The following MYO18A variants were observed in gnomAD, a reference collection of about 807,000 sequenced individuals.
MYO18A encodes myosin XVIIIA, also known as unconventional myosin-XVIIIa.
In MYO18A, 78 loss-of-function variants were observed where a neutral mutation model predicts 235.8. The observed-to-expected ratio is 0.33, with a 90% CI of 0.28 to 0.40. The LOEUF is 0.40. Among genes scored for constraint, MYO18A ranks in the 10% least tolerant of loss-of-function variants. The pLI, the probability that MYO18A is intolerant of heterozygous loss-of-function variation, is 1.00. For synonymous variants in MYO18A, 977 were observed against 1,077.8 expected, an observed-to-expected ratio of 0.91 and a Z score of 1.83; for missense variants, 2,215 against 2,699.3, an observed-to-expected ratio of 0.82 and a Z score of 3.98.
At chr17:29,144,483 C>T (rs538131859) in intron 2 of MYO18A, among the ~76,000 whole-genome samples, 3 of 152,332 alleles carry the variant, frequency 2.0e-5, no homozygotes, top group African/African-American at 7.2e-5. Flanking sequence ...ATGCAAAGAA[C>T]GTGGGCTTGG....
At chr17:29,087,212 TG>T in intron 37 of MYO18A, 91 bp from the exon 38 acceptor site, 1 of 1,362,812 alleles carries the variant, frequency 7.3e-7, no homozygotes, top group Non-Finnish European at 1.0e-6. Flanking sequence ...TGAGGAGGCC[TG>T]GGGTCGAGCT....
intron 2 of MYO18A, chr17:29,124,809 C>T (rs1220511315): frequency 2.5e-6 from 2 of 813,236 alleles, no homozygotes; most frequent in Non-Finnish European, 3.3e-6. Context: ...TTGTCCAAGG[C>T]TCGGGGTGAA....
At chr17:29,138,082 A>G (rs74403084) in intron 2 of MYO18A, among the ~76,000 whole-genome samples, 1,869 of 152,136 alleles carry the variant, frequency 0.012, 42 homozygotes, top group African/African-American at 0.042. Context: ...AGCAGAGCCT[A>G]CCCGCCCTTA....
chr17:29,138,068 T>C (rs2067647007), intron 2 of MYO18A, among the ~76,000 whole-genome samples: 1 of 152,012 alleles, frequency 6.6e-6, no homozygotes, highest in African/African-American at 2.4e-5. Flanking sequence ...CCCTCCACCA[T>C]GCCAGCAGAG....
At position 29,140,209 on chromosome 17, in the gene MYO18A, G is replaced by T; in HGVS notation, c.1000-17956C>A. 1 of 534,554 alleles carries T rather than the reference G, an allele frequency of 1.9e-6. No individual in the cohort carries two copies. Among genetic ancestry groups the T allele is most frequent in the Non-Finnish European group, 2.7e-6 (1 of 366,950 alleles). 33.1% of individuals were successfully genotyped at this position (534,554 alleles called of 1,614,324 possible). A position where few individuals can be genotyped will look rare whatever the true frequency, so the allele number is the denominator to read the frequency against. Reference sequence around the variant, plus strand: ...AAGCTCGGAGAGGAGCCCCAAGGCTGCCCCACCCCTCTCCCCACCTACTTC... The same window carrying T: ...AAGCTCGGAGAGGAGCCCCAAGGCTTCCCCACCCCTCTCCCCACCTACTTC... On this transcript the variant is annotated intron_variant, in intron 2 of 41. Coordinates refer to ENST00000527372, the MANE Select transcript of MYO18A (RefSeq NM_078471.4). The surrounding 1 kb of genome is among the most constrained non-coding windows in gnomAD (Gnocchi z 4.2).
At position 29,180,239 on chromosome 17, in the gene MYO18A, G is replaced by T. The variant is rs991645921; in HGVS notation, c.-82+74C>A. ...CCGCCGCCCGCCCGCCCTCCCTCCCGGCCGGAGCCCGCCCCGCCGCCCCAC... is the reference window on the plus strand; with the variant it reads ...CCGCCGCCCGCCCGCCCTCCCTCCCTGCCGGAGCCCGCCCCGCCGCCCCAC... On this transcript the variant is annotated intron_variant, in intron 1 of 41. Coordinates refer to ENST00000527372, the MANE Select transcript of MYO18A (RefSeq NM_078471.4). The surrounding 1 kb of genome is among the most constrained non-coding windows in gnomAD (Gnocchi z 6.1). 4.9e-5 allele frequency: 1 copy of T among 20,436 alleles called. No individual in the cohort carries two copies. The highest frequency in any genetic ancestry group is 1.1e-3 in the East Asian group (1 of 906). 1.3% of individuals were successfully genotyped at this position (20,436 alleles called of 1,614,324 possible).
At position 29,114,110 on chromosome 17, in the gene MYO18A, G is replaced by A; in HGVS notation, c.2512-13C>T. 3 of 1,581,322 alleles carry A rather than the reference G, an allele frequency of 1.9e-6. No homozygotes were observed. The highest frequency in any genetic ancestry group is 2.6e-6 in the Non-Finnish European group (3 of 1,162,944). ...GCTCGATGTTCTCCTGGGAAAGAAG[G>A]CCGAGCGGTAGTGAGCATGGGGGTC... On this transcript the variant is annotated splice_polypyrimidine_tract_variant and intron_variant, in intron 14 of 41. Transcript: ENST00000527372.
At chr17:29,139,421 C>A (rs1598367129) in intron 2 of MYO18A, among the ~76,000 whole-genome samples, 1 of 152,128 alleles carries the variant, frequency 6.6e-6, no homozygotes, top group Non-Finnish European at 1.5e-5. Flanking sequence ...TCTCTCTGAC[C>A]TCTCCCCCAC....
chr17:29,090,636 TC>T, intron 35 of MYO18A, 21 bp from the exon 36 acceptor site: 1 of 1,591,846 alleles, frequency 6.3e-7, no homozygotes. Flanking sequence ...AATGAGAGCA[TC>T]AGAAGCAGGA....
chr17:29,073,499 C>T lies in MYO18A; in HGVS notation c.*1271G>A, dbSNP rs550058823. 4.8e-5 allele frequency: 9 copies of T among 189,300 alleles called. No individual in the cohort carries two copies. The South Asian group carries it at 1.3e-3, about 28-fold the overall frequency. The allele number at this position is 189,300 out of a possible 1,614,324, so 11.7% of individuals were successfully genotyped here. Reference sequence around the variant, plus strand: ...CAGACTTTGCCTGAGCCTGAAGGAACAGGCAGGAAAACTGGCGCAGCCAGG... The same window carrying T: ...CAGACTTTGCCTGAGCCTGAAGGAATAGGCAGGAAAACTGGCGCAGCCAGG... On this transcript the variant is annotated 3_prime_UTR_variant, in exon 42 of 42. Coordinates refer to ENST00000527372, the MANE Select transcript of MYO18A (RefSeq NM_078471.4).
chr17:29,095,920 G>A (rs1475316818), intron 28 of MYO18A, among the ~76,000 whole-genome samples: 2 of 152,200 alleles, frequency 1.3e-5, no homozygotes, highest in South Asian at 2.1e-4. Context: ...AAGGGTGCCA[G>A]CCTTTGGGTA....
At chr17:29,134,338 G>A (rs1443996994) in intron 2 of MYO18A, among the ~76,000 whole-genome samples, 11 of 151,788 alleles carry the variant, frequency 7.2e-5, no homozygotes, top group East Asian at 2.0e-4. Flanking sequence ...CCGCCTTGGC[G>A]TCCTAAAGTG....
chr17:29,075,076 A>G (rs2152704213), intron 41 of MYO18A, 162 bp from the exon 42 acceptor site: 1 of 755,346 alleles, frequency 1.3e-6, no homozygotes, highest in Non-Finnish European at 2.1e-6. Flanking sequence ...GATACTCAAA[A>G]TGCTAAGAGG....
At chr17:29,079,923 A>G in intron 41 of MYO18A, 2 of 985,926 alleles carry the variant, frequency 2.0e-6, no homozygotes, top group Non-Finnish European at 2.4e-6. Flanking sequence ...AGGAGGACTC[A>G]GACTCCGTCT....
chr17:29,074,953 C>T lies in MYO18A; in HGVS notation c.6021-39G>A, dbSNP rs369802551. 9 of 1,610,000 alleles carry T rather than the reference C, an allele frequency of 5.6e-6. No individual in the cohort carries two copies. The highest frequency in any genetic ancestry group is 1.6e-4 in the Middle Eastern group (1 of 6,068). Reference sequence around the variant, plus strand: ...GGAATAAGGTTAGGGACAAATGACACTCCTACCATTAAGCACGCACGCCTT... The same window carrying T: ...GGAATAAGGTTAGGGACAAATGACATTCCTACCATTAAGCACGCACGCCTT... On this transcript the variant is annotated intron_variant, in intron 41 of 41. Transcript: ENST00000527372. The surrounding 1 kb of genome is among the most constrained non-coding windows in gnomAD (Gnocchi z 4.4).
chr17:29,119,291 G>C (rs767930746), intron 8 of MYO18A, 44 bp downstream of exon 8: 1 of 1,472,380 alleles, frequency 6.8e-7, no homozygotes, highest in African/African-American at 1.4e-5. Flanking sequence ...CAGTCAGTGG[G>C]CTGGAGTTCA....
intron 19 of MYO18A, among the ~76,000 whole-genome samples, chr17:29,108,127 G>C (rs1169261685): frequency 6.6e-6 from 1 of 151,970 alleles, no homozygotes; most frequent in Non-Finnish European, 1.5e-5. Flanking sequence ...CAGGTAAAAA[G>C]CACAGTGTGA....
At chr17:29,151,572 G>A (rs1378494800) in intron 2 of MYO18A, among the ~76,000 whole-genome samples, 1 of 152,148 alleles carries the variant, frequency 6.6e-6, no homozygotes, top group Non-Finnish European at 1.5e-5. Context: ...TTAATACCCA[G>A]CTGGGAGCAG....
chr17:29,091,339 AT>A, intron 34 of MYO18A: 1 of 332,628 alleles, frequency 3.0e-6, no homozygotes, highest in Non-Finnish European at 5.9e-6. Flanking sequence ...TTAGACTCTC[AT>A]TTTCCCTGGG....
Sources: gnomAD v4.1 joint callset for allele counts (sites outside exome capture counted in the v4.1 genomes callset) on GRCh38, gnomAD v4.1.1 for gene constraint, Gnocchi (gnomAD v3.1) non-coding constraint, MANE v1.5 for transcripts, NCBI Gene and HGNC (gene_info 2026-07-23, HGNC 2026-07-21) for gene names.